The following TMEM132B variants were observed in gnomAD, a reference collection of about 807,000 sequenced individuals.
The protein encoded by TMEM132B is transmembrane protein 132B.
A neutral mutation model predicts 90.8 loss-of-function variants in TMEM132B; 18 were observed. The ratio of observed to expected loss-of-function variants is 0.20; its 90% CI spans 0.14 to 0.29. The LOEUF (loss-of-function observed/expected upper bound fraction) is 0.29. Ranked by LOEUF, TMEM132B falls within the 10% of genes least tolerant of loss-of-function variation. The pLI, the probability that TMEM132B is intolerant of heterozygous loss-of-function variation, is 1.00. For synonymous variants in TMEM132B, 504 were observed against 523.3 expected, an observed-to-expected ratio of 0.96 and a Z score of 0.50; for missense variants, 1,096 against 1,326.8, an observed-to-expected ratio of 0.83 and a Z score of 2.70.
At chr12:125,390,497 G>A (rs1406317590) in intron 2 of TMEM132B, among the ~76,000 whole-genome samples, 1 of 152,216 alleles carries the variant, frequency 6.6e-6, no homozygotes, top group Non-Finnish European at 1.5e-5. Context: ...TTCATGAGGT[G>A]AAGCTGAGTT....
intron 2 of TMEM132B, among the ~76,000 whole-genome samples, chr12:125,358,868 G>T (rs1480552850): frequency 1.3e-5 from 2 of 152,100 alleles, no homozygotes; most frequent in African/African-American, 2.4e-5. Flanking sequence ...ATAACTTTTG[G>T]CATCCATTGA....
At chr12:125,438,814 GT>G (rs1210873895) in intron 3 of TMEM132B, among the ~76,000 whole-genome samples, 10 of 152,140 alleles carry the variant, frequency 6.6e-5, no homozygotes, top group African/African-American at 2.4e-4. Flanking sequence ...GAATGGCATT[GT>G]GCTAAAAGAA....
chr12:125,505,746 A>G (rs775556267), intron 3 of TMEM132B, among the ~76,000 whole-genome samples: 1 of 152,016 alleles, frequency 6.6e-6, no homozygotes, highest in Non-Finnish European at 1.5e-5. Context: ...AGGATTGGAG[A>G]TGATGGAAGA....
chr12:125,250,654 CT>C (rs1874297284), intron 1 of TMEM132B, among the ~76,000 whole-genome samples: 1 of 152,254 alleles, frequency 6.6e-6, no homozygotes, highest in South Asian at 2.1e-4. Context: ...TGAGCATCCC[CT>C]TTGCTTTCCT....
chr12:125,391,920 C>T (rs750243433), intron 2 of TMEM132B, among the ~76,000 whole-genome samples: 23 of 151,962 alleles, frequency 1.5e-4, no homozygotes, highest in Non-Finnish European at 2.9e-4. Flanking sequence ...GCACACACCA[C>T]CACACCAAGC....
At chr12:125,289,319 G>C (rs1187475780) in intron 1 of TMEM132B, among the ~76,000 whole-genome samples, 1 of 152,200 alleles carries the variant, frequency 6.6e-6, no homozygotes, top group Non-Finnish European at 1.5e-5. Flanking sequence ...TATTTCAAAA[G>C]CGGTGGCACA....
chr12:125,625,919 T>A lies in TMEM132B; in HGVS notation c.1438-18157T>A, dbSNP rs189594173. Among the ~76,000 whole-genome samples, 23 of 152,364 alleles carry A rather than the reference T, an allele frequency of 1.5e-4. No individual in the cohort carries two copies. In the East Asian group the frequency reaches 3.5e-3, roughly 23 times the overall value. The stretch of plus-strand genomic sequence containing the variant: ...GATAATTCTTGCTGTTATGCATTTT[T>A]TTCTGTGCTTATTTGCTATCTGTAA... On this transcript the variant is annotated intron_variant, in intron 5 of 8. Coordinates refer to ENST00000682704, the MANE Select transcript of TMEM132B (RefSeq NM_001366854.1).
At chr12:125,230,576 G>T (rs1873794396) in intron 1 of TMEM132B, among the ~76,000 whole-genome samples, 1 of 151,952 alleles carries the variant, frequency 6.6e-6, no homozygotes, top group Non-Finnish European at 1.5e-5. Context: ...CGCCTCCTGG[G>T]TTCATGCCAT....
intron 4 of TMEM132B, among the ~76,000 whole-genome samples, chr12:125,544,256 G>A (rs1312555138): frequency 6.6e-6 from 1 of 152,104 alleles, no homozygotes; most frequent in African/African-American, 2.4e-5. Context: ...TTAAGGTGAT[G>A]GGTTGATAGG....
rs201419797 is a variant in TMEM132B at position 125,191,120 on chromosome 12, A to G, written c.67+4254A>G. The stretch of plus-strand genomic sequence containing the variant: ...TGGTGATGGGGAAGGGGTGGTGGTG[A>G]TGGTGACAGTGACGGGAAAGGGGTG... On this transcript the variant is annotated intron_variant, in intron 1 of 8. Coordinates refer to ENST00000682704, the MANE Select transcript of TMEM132B (RefSeq NM_001366854.1). Among the ~76,000 whole-genome samples, 6 of 42,472 alleles carry G rather than the reference A, an allele frequency of 1.4e-4. 1 individual carries two copies. The highest frequency in any genetic ancestry group is 3.2e-4 in the Admixed American group (1 of 3,132). The allele number at this position is 42,472 out of a possible 152,430, so 27.9% of individuals were successfully genotyped here.
intron 3 of TMEM132B, among the ~76,000 whole-genome samples, chr12:125,517,107 C>G (rs1020025549): frequency 6.6e-6 from 1 of 152,026 alleles, no homozygotes; most frequent in Non-Finnish European, 1.5e-5. Context: ...CATGTGTGCA[C>G]ACTTTCAGTC....
At chr12:125,219,277 A>G (rs552690029) in intron 1 of TMEM132B, among the ~76,000 whole-genome samples, 1 of 152,326 alleles carries the variant, frequency 6.6e-6, no homozygotes, top group South Asian at 2.1e-4. Context: ...ACAGCTCGAG[A>G]TGGTCTCTGC....
chr12:125,514,805 G>C (rs1883065586), intron 3 of TMEM132B, among the ~76,000 whole-genome samples: 1 of 152,164 alleles, frequency 6.6e-6, no homozygotes, highest in African/African-American at 2.4e-5. Flanking sequence ...ATGCACTGAG[G>C]AACAGCCGCA....
At position 125,349,750 on chromosome 12, in the gene TMEM132B, C is replaced by T. The variant is rs1302079997; in HGVS notation, c.366C>T (p.Asn122=). The stretch of plus-strand genomic sequence containing the variant: ...GAAACATGGACAAATTTCCCTTCAA[C>T]TGGAAATTGAAATCCCACATCCTTG... ...AFGNMDKFPF[N]WKLKSHILDS... is the part of the protein sequence containing the mutation. Residue 122 remains asparagine, a synonymous_variant, in exon 2 of 9, where the codon AAC becomes AAT. Coordinates refer to ENST00000682704, the MANE Select transcript of TMEM132B (RefSeq NM_001366854.1). This position sits in a 1 kb window ranked among gnomAD's most constrained non-coding sequence, Gnocchi z 4.1. The T allele has an allele frequency of 1.2e-6, 2 of 1,614,242 alleles. No homozygotes were observed. Among genetic ancestry groups the T allele is most frequent in the East Asian group, 2.2e-5 (1 of 44,888 alleles).
chr12:125,348,411 C>T (rs1877435267), intron 1 of TMEM132B, among the ~76,000 whole-genome samples: 1 of 152,126 alleles, frequency 6.6e-6, no homozygotes, highest in African/African-American at 2.4e-5. Flanking sequence ...ACTGCAATCT[C>T]CGCCTCTTGG....
intron 3 of TMEM132B, among the ~76,000 whole-genome samples, chr12:125,472,806 G>A (rs1306594596): frequency 6.6e-6 from 1 of 152,104 alleles, no homozygotes; most frequent in African/African-American, 2.4e-5. Flanking sequence ...CCTTGATCTT[G>A]GACTTCCCAG....
chr12:125,242,709 C>G (rs978992257), intron 1 of TMEM132B, among the ~76,000 whole-genome samples: 3 of 152,234 alleles, frequency 2.0e-5, no homozygotes, highest in Non-Finnish European at 4.4e-5. Flanking sequence ...GCCTGCAGGC[C>G]TCCTTTGTCC....
At chr12:125,347,661 G>C (rs140489631) in intron 1 of TMEM132B, among the ~76,000 whole-genome samples, 2 of 152,174 alleles carry the variant, frequency 1.3e-5, no homozygotes, top group African/African-American at 2.4e-5. Context: ...CCACGGTCAG[G>C]TGCCATTTCT....
chr12:125,261,062 G>GT (rs2136110174), intron 1 of TMEM132B, among the ~76,000 whole-genome samples: 2 of 152,202 alleles, frequency 1.3e-5, no homozygotes, highest in South Asian at 4.2e-4. Context: ...CACTGGTTGT[G>GT]TTTACATTGG....
Sources: gnomAD v4.1 joint callset for allele counts (sites outside exome capture counted in the v4.1 genomes callset) on GRCh38, gnomAD v4.1.1 for gene constraint, Gnocchi (gnomAD v3.1) non-coding constraint, MANE v1.5 for transcripts, NCBI Gene and HGNC (gene_info 2026-07-23, HGNC 2026-07-21) for gene names.